Variants in PDE5A observed in about 807,000 individuals in gnomAD.
PDE5A encodes cGMP-specific 3',5'-cyclic phosphodiesterase.
In PDE5A, 67 loss-of-function variants were observed where a neutral mutation model predicts 110.2. The observed-to-expected ratio is 0.61, with a 90% CI of 0.50 to 0.75. PDE5A has a LOEUF of 0.75. Among genes scored for constraint, PDE5A ranks in the 30% least tolerant of loss-of-function variants. The probability of loss-of-function intolerance (pLI) is 0.00; values close to 1 mark genes in which losing one functional copy is unlikely to be tolerated. For missense variants in PDE5A, 862 were observed against 1,045.1 expected (o/e 0.82, Z 2.42); for synonymous variants, 328 against 351.2 (o/e 0.93, Z 0.74).
chr4:119,607,745 A>ATC (rs1314615815), intron 1 of PDE5A, among the ~76,000 whole-genome samples: 15 of 152,136 alleles, frequency 9.9e-5, no homozygotes, highest in African/African-American at 3.6e-4. Flanking sequence ...ACTCTCTCAA[A>ATC]AAAAAAAGAC....
At chr4:119,590,980 A>G (rs760636492) in intron 3 of PDE5A, among the ~76,000 whole-genome samples, 14 of 152,222 alleles carry the variant, frequency 9.2e-5, no homozygotes, top group Non-Finnish European at 1.9e-4. Flanking sequence ...CAGAATGGGT[A>G]TTGGCTTACT....
intron 12 of PDE5A, among the ~76,000 whole-genome samples, chr4:119,521,356 T>C (rs1726122023): frequency 6.6e-6 from 1 of 151,052 alleles, no homozygotes; most frequent in African/African-American, 2.4e-5. Context: ...TTTGGCAGGG[T>C]AGGGCACTGG....
intron 3 of PDE5A, among the ~76,000 whole-genome samples, chr4:119,594,896 G>A (rs947894801): frequency 6.6e-5 from 10 of 152,142 alleles, no homozygotes; most frequent in African/African-American, 2.4e-4. Flanking sequence ...CAGACCTACT[G>A]AATTCAGAAT....
At chr4:119,599,709 G>GTA (rs943627097) in intron 2 of PDE5A, among the ~76,000 whole-genome samples, 7 of 82,120 alleles carry the variant, frequency 8.5e-5, no homozygotes, top group East Asian at 5.9e-4. Flanking sequence ...TATCAAGTGT[G>GTA]TATACACACA....
At chr4:119,519,946 C>A (rs183087771) in intron 13 of PDE5A, among the ~76,000 whole-genome samples, 1 of 152,096 alleles carries the variant, frequency 6.6e-6, no homozygotes, top group Non-Finnish European at 1.5e-5. Context: ...CAATAAGTCT[C>A]AAAGGAAATA....
At chr4:119,605,777 T>C (rs896511020) in intron 2 of PDE5A, among the ~76,000 whole-genome samples, 4 of 152,218 alleles carry the variant, frequency 2.6e-5, no homozygotes, top group Admixed American at 1.3e-4. Flanking sequence ...CATGTACTAT[T>C]ATTTTAATTC....
chr4:119,550,621 T>C (rs1203107557), intron 9 of PDE5A, among the ~76,000 whole-genome samples: 2 of 152,210 alleles, frequency 1.3e-5, no homozygotes, highest in Non-Finnish European at 2.9e-5. Context: ...TTCCCAGTTA[T>C]TATTCCAAAG....
chr4:119,572,303 A>G (rs1180476250), intron 3 of PDE5A, among the ~76,000 whole-genome samples: 1 of 152,254 alleles, frequency 6.6e-6, no homozygotes, highest in Non-Finnish European at 1.5e-5. Context: ...AAAGTTGAAT[A>G]GTATGTGTTG....
chr4:119,559,852 ACT>A (rs375064833), intron 7 of PDE5A, among the ~76,000 whole-genome samples: 287 of 151,820 alleles, frequency 1.9e-3, no homozygotes, highest in African/African-American at 6.7e-3. Context: ...ACATCAGAAA[ACT>A]CTCTGGTTAG....
At chr4:119,526,147 C>CTCA (rs1479003339) in intron 11 of PDE5A, among the ~76,000 whole-genome samples, 1 of 152,108 alleles carries the variant, frequency 6.6e-6, no homozygotes, top group African/African-American at 2.4e-5. Flanking sequence ...TCAGGACAGC[C>CTCA]TTATGAAGTG....
Position 119,525,713 on chromosome 4 carries a change from G to GA in PDE5A, c.1633-19dup, listed in dbSNP as rs3832310. ...ACAGCAGCCTTGGGTAAGGAAAGAA[G>GA]AAAAAAAAAAATGCTGTTAATTAAA... On this transcript the variant is annotated intron_variant, in intron 11 of 20. Coordinates refer to ENST00000354960, the MANE Select transcript of PDE5A (RefSeq NM_001083.4). This position sits in a 1 kb window ranked among gnomAD's most constrained non-coding sequence, Gnocchi z 4.3. The GA allele has an allele frequency of 5.3e-3, 7,348 of 1,387,554 alleles. No homozygotes were observed. The highest frequency in any genetic ancestry group is 0.011 in the South Asian group (813 of 72,386). The allele number at this position is 1,387,554 out of a possible 1,614,324, so 86.0% of individuals were successfully genotyped here.
rs1486249900 is a variant in PDE5A at position 119,544,835 on chromosome 4, TAA to T, written c.1397-2203_1397-2202del. Reference sequence around the variant, plus strand: ...GTCAAAATTCACTGAATGAATATATTAAGAGTCATTAAATTATACCTTTGGAA... The same window carrying T: ...GTCAAAATTCACTGAATGAATATATTGAGTCATTAAATTATACCTTTGGAA... On this transcript the variant is annotated intron_variant, in intron 9 of 20. Coordinates refer to ENST00000354960, the MANE Select transcript of PDE5A (RefSeq NM_001083.4). 3.3e-5 allele frequency among the ~76,000 whole-genome samples: 5 copies of T among 152,186 alleles called. No individual in the cohort carries two copies. In the East Asian group the frequency reaches 9.6e-4, roughly 29 times the overall value.
chr4:119,523,256 C>G (rs1445289576), intron 12 of PDE5A, among the ~76,000 whole-genome samples: 1 of 151,980 alleles, frequency 6.6e-6, no homozygotes, highest in Non-Finnish European at 1.5e-5. Flanking sequence ...ACAGCACATG[C>G]AGATTGGCTT....
At chr4:119,578,503 G>A (rs1172147419) in intron 3 of PDE5A, among the ~76,000 whole-genome samples, 1 of 152,092 alleles carries the variant, frequency 6.6e-6, no homozygotes, top group Non-Finnish European at 1.5e-5. Flanking sequence ...TAGACCAATG[G>A]AACAGAACAG....
chr4:119,548,508 T>C (rs984404573), intron 9 of PDE5A: 3 of 152,210 alleles, frequency 2.0e-5, no homozygotes, highest in Non-Finnish European at 4.4e-5. Flanking sequence ...CTTTGTTTGA[T>C]AGAAATATTG....
At chr4:119,611,920 G>T (rs1401225838) in intron 1 of PDE5A, among the ~76,000 whole-genome samples, 3 of 152,126 alleles carry the variant, frequency 2.0e-5, no homozygotes, top group Non-Finnish European at 4.4e-5. Context: ...GCATTCCTTG[G>T]AGTTCTGCAG....
chr4:119,560,274 A>C (rs1333184146), intron 7 of PDE5A, 22 bp downstream of exon 7: 2 of 1,396,960 alleles, frequency 1.4e-6, no homozygotes, highest in African/African-American at 1.4e-5. Context: ...GATAAAGACA[A>C]GTAGAGAATA....
intron 1 of PDE5A, among the ~76,000 whole-genome samples, chr4:119,625,590 T>C (rs968353604): frequency 6.6e-6 from 1 of 152,214 alleles, no homozygotes; most frequent in African/African-American, 2.4e-5. Context: ...AATATAAATA[T>C]ATTTTAAATC....
intron 19 of PDE5A, 138 bp downstream of exon 19, chr4:119,502,443 T>C: frequency 1.8e-6 from 1 of 556,748 alleles, no homozygotes; most frequent in Non-Finnish European, 3.1e-6. Flanking sequence ...GTATAATTCT[T>C]CCAATGAGAA....
Sources: allele counts gnomAD v4.1 joint callset (sites outside exome capture counted in the v4.1 genomes callset), GRCh38; gene constraint gnomAD v4.1.1; non-coding constraint Gnocchi (gnomAD v3.1); transcripts MANE v1.5; gene names NCBI Gene and HGNC (gene_info 2026-07-23, HGNC 2026-07-21).